TRPM3: variants seen among roughly 807,000 people sequenced by gnomAD.
TRPM3 encodes long transient receptor potential channel 3.
TRPM3 carries 77 observed loss-of-function variants against 181.2 expected under a neutral mutation model. The ratio of observed to expected loss-of-function variants is 0.42; its 90% CI spans 0.35 to 0.51. The LOEUF is 0.51. Ranked by LOEUF, TRPM3 falls within the 20% of genes least tolerant of loss-of-function variation. The pLI is 0.01. For missense variants in TRPM3, 1,759 were observed against 2,196.7 expected (o/e 0.80, Z 3.98); for synonymous variants, 745 against 796.4 (o/e 0.94, Z 1.09).
intron 1 of TRPM3, among the ~76,000 whole-genome samples, chr9:71,094,176 T>C (rs975218846): frequency 6.6e-6 from 1 of 151,940 alleles, no homozygotes; most frequent in African/African-American, 2.4e-5. Context: ...AGTTGATAAG[T>C]GCAGCAAACC....
intron 21 of TRPM3, among the ~76,000 whole-genome samples, chr9:70,595,924 C>G (rs2058938521): frequency 6.6e-6 from 1 of 152,166 alleles, no homozygotes; most frequent in Non-Finnish European, 1.5e-5. Flanking sequence ...AGTGTTTTTT[C>G]TCTCTAGAAT....
intron 25 of TRPM3, among the ~76,000 whole-genome samples, chr9:70,542,911 C>A (rs930591253): frequency 5.3e-5 from 8 of 152,160 alleles, no homozygotes; most frequent in Non-Finnish European, 1.0e-4. Context: ...GATATCTAAT[C>A]TATGAATTAT....
intron 19 of TRPM3, among the ~76,000 whole-genome samples, chr9:70,610,164 C>T (rs1487022732): frequency 6.6e-6 from 1 of 151,380 alleles, no homozygotes; most frequent in East Asian, 1.9e-4. Flanking sequence ...CACACACACG[C>T]ATGCATACAC....
At chr9:70,894,389 C>A (rs1294000567) in intron 1 of TRPM3, among the ~76,000 whole-genome samples, 1 of 152,126 alleles carries the variant, frequency 6.6e-6, no homozygotes, top group Non-Finnish European at 1.5e-5. Flanking sequence ...TCGGGCATTA[C>A]TTGGGTTTTC....
chr9:70,745,078 T>C (rs1052342761), intron 8 of TRPM3, among the ~76,000 whole-genome samples: 3 of 152,200 alleles, frequency 2.0e-5, no homozygotes, highest in Non-Finnish European at 4.4e-5. Context: ...CATAAAGTGC[T>C]ATATAGACAT....
chr9:71,147,215 A>C (rs2075459348), intron 1 of TRPM3, among the ~76,000 whole-genome samples: 1 of 152,184 alleles, frequency 6.6e-6, no homozygotes, highest in Admixed American at 6.5e-5. Flanking sequence ...TCGAGGAGAT[A>C]GCTTCATGGA....
At chr9:70,636,362 G>C (rs937700955) in intron 11 of TRPM3, among the ~76,000 whole-genome samples, 1 of 151,846 alleles carries the variant, frequency 6.6e-6, no homozygotes, top group African/African-American at 2.4e-5. Flanking sequence ...ACAGTTTGCT[G>C]TAACTTGATT....
chr9:71,157,887 T>C (rs1320488395), intron 1 of TRPM3, among the ~76,000 whole-genome samples: 1 of 151,912 alleles, frequency 6.6e-6, no homozygotes, highest in Non-Finnish European at 1.5e-5. Flanking sequence ...ACAGACAGAT[T>C]GTTGAAACTG....
chr9:70,744,319 A>C (rs2074737916), intron 8 of TRPM3, among the ~76,000 whole-genome samples: 1 of 122,518 alleles, frequency 8.2e-6, no homozygotes, highest in South Asian at 3.2e-4. Flanking sequence ...CAAGAGCAAA[A>C]TCTCTGTCTC....
rs1163623462 is a variant in TRPM3, at chr9:70,625,871, C to T, written c.1633-354G>A. 6.6e-6 allele frequency among the ~76,000 whole-genome samples: 1 copy of T among 152,278 alleles called. No homozygotes were observed. The highest frequency in any genetic ancestry group is 1.9e-4 in the East Asian group (1 of 5,184). ...TCGGGTCTCCTTTAATACAAAACCT[C>T]TATCCATAATTTTAAAAAATTGACA... On this transcript the variant is annotated intron_variant, in intron 12 of 25. Coordinates refer to ENST00000677713, the MANE Select transcript of TRPM3 (RefSeq NM_001366145.2). This position sits in a 1 kb window ranked among gnomAD's most constrained non-coding sequence, Gnocchi z 4.8.
intron 1 of TRPM3, among the ~76,000 whole-genome samples, chr9:71,394,257 C>T (rs892012607): frequency 7.2e-5 from 11 of 151,942 alleles, no homozygotes; most frequent in Admixed American, 2.0e-4. Flanking sequence ...AAGAGTTTAA[C>T]GTGCAAGTAA....
intron 9 of TRPM3, among the ~76,000 whole-genome samples, chr9:70,654,871 G>A (rs1196426831): frequency 6.6e-6 from 1 of 151,354 alleles, no homozygotes; most frequent in African/African-American, 2.4e-5. Flanking sequence ...TTTTAGTAGA[G>A]ATGGGGTTTC....
At chr9:70,667,033 G>A (rs950290197) in intron 9 of TRPM3, among the ~76,000 whole-genome samples, 1 of 151,076 alleles carries the variant, frequency 6.6e-6, no homozygotes, top group Non-Finnish European at 1.5e-5. Flanking sequence ...TTTCTCTGAG[G>A]CTATTAAAGA....
intron 1 of TRPM3, among the ~76,000 whole-genome samples, chr9:71,270,407 T>C (rs1431588198): frequency 6.6e-6 from 1 of 152,138 alleles, no homozygotes; most frequent in African/African-American, 2.4e-5. Context: ...ATTCAGAATA[T>C]ATTTCAAACC....
At chr9:70,753,556 T>G (rs565797113) in intron 8 of TRPM3, among the ~76,000 whole-genome samples, 105 of 152,260 alleles carry the variant, frequency 6.9e-4, no homozygotes, top group Non-Finnish European at 1.1e-3. Context: ...GGAACCCAGA[T>G]GGGAGCAGGG....
chr9:71,176,197 G>A (rs975300287), intron 1 of TRPM3, among the ~76,000 whole-genome samples: 6 of 152,108 alleles, frequency 3.9e-5, no homozygotes, highest in Non-Finnish European at 8.8e-5. Flanking sequence ...AGGTCCTTCA[G>A]GAGGTACCCA....
intron 1 of TRPM3, among the ~76,000 whole-genome samples, chr9:71,364,678 A>G (rs980643590): frequency 6.6e-6 from 1 of 152,228 alleles, no homozygotes; most frequent in Admixed American, 6.5e-5. Flanking sequence ...CTTCATGGAC[A>G]AGACAATAAA....
At chr9:71,446,515 C>CT in intron 1 of TRPM3, 2 of 882,506 alleles carry the variant, frequency 2.3e-6, no homozygotes, top group African/African-American at 1.7e-5. Context: ...CCCCAGCACT[C>CT]TATTTCATTA....
At chr9:70,875,345 T>A (rs1422148606) in intron 1 of TRPM3, among the ~76,000 whole-genome samples, 1 of 151,946 alleles carries the variant, frequency 6.6e-6, no homozygotes, top group Non-Finnish European at 1.5e-5. Context: ...TAAGAGATCT[T>A]TTTAAATTTT....
Sources: allele counts gnomAD v4.1 joint callset (sites outside exome capture counted in the v4.1 genomes callset), GRCh38; gene constraint gnomAD v4.1.1; non-coding constraint Gnocchi (gnomAD v3.1); transcripts MANE v1.5; gene names NCBI Gene and HGNC (gene_info 2026-07-23, HGNC 2026-07-21).